Variants in XRN2 observed in about 807,000 individuals in gnomAD.
XRN2 encodes the protein DHM1-like protein.
Under a neutral mutation model 138.5 loss-of-function variants are expected in XRN2, and 44 were observed. The observed-to-expected ratio is 0.32, with a 90% CI of 0.25 to 0.41. The LOEUF (loss-of-function observed/expected upper bound fraction) is 0.41. Ranked by LOEUF, XRN2 falls within the 10% of genes least tolerant of loss-of-function variation. The pLI is 1.00. For synonymous variants in XRN2, 354 were observed against 369.4 expected, an observed-to-expected ratio of 0.96 and a Z score of 0.48; for missense variants, 937 against 1,169.3, an observed-to-expected ratio of 0.80 and a Z score of 2.90.
At position 21,349,386 on chromosome 20, in the gene XRN2, T is replaced by TTCC; in HGVS notation, c.1864-3_1864-2insTCC. On this transcript the variant is annotated splice_region_variant and splice_polypyrimidine_tract_variant and intron_variant, in intron 19 of 29. Coordinates refer to ENST00000377191, the MANE Select transcript of XRN2 (RefSeq NM_012255.5). ...TGATTCTTTACTTTTCTCCCTAATATAGGATTCTAGTATAATTGACTTCTA... is the reference window on the plus strand; with the variant it reads ...TGATTCTTTACTTTTCTCCCTAATATTCCAGGATTCTAGTATAATTGACTTCTA... The TTCC allele has an allele frequency of 1.3e-6, 2 of 1,565,990 alleles. No homozygotes were observed.
chr20:21,361,294 T>G (rs1208407779), intron 24 of XRN2, among the ~76,000 whole-genome samples: 1 of 152,210 alleles, frequency 6.6e-6, no homozygotes, highest in African/African-American at 2.4e-5. Flanking sequence ...GATGTGTTTA[T>G]GAAGACAATC....
chr20:21,374,784 G>A (rs1259225887), intron 27 of XRN2, among the ~76,000 whole-genome samples: 1 of 151,760 alleles, frequency 6.6e-6, no homozygotes, highest in Non-Finnish European at 1.5e-5. Context: ...CTGGGGTAGG[G>A]TTTTTCTGGC....
At chr20:21,384,969 A>G (rs923687126) in intron 28 of XRN2, among the ~76,000 whole-genome samples, 6 of 152,234 alleles carry the variant, frequency 3.9e-5, no homozygotes, top group Non-Finnish European at 7.3e-5. Flanking sequence ...AAGTCAGAAG[A>G]AGGTAGTACA....
At chr20:21,309,504 C>T (rs1029992997) in intron 1 of XRN2, among the ~76,000 whole-genome samples, 4 of 152,244 alleles carry the variant, frequency 2.6e-5, no homozygotes, top group South Asian at 4.1e-4. Context: ...AGCACAAATT[C>T]GTAAACTTTC....
At chr20:21,360,108 A>C (rs1197560816) in intron 24 of XRN2, among the ~76,000 whole-genome samples, 2 of 152,108 alleles carry the variant, frequency 1.3e-5, no homozygotes, top group African/African-American at 4.8e-5. Flanking sequence ...CCCATTTCTA[A>C]TTCCACAAAT....
chr20:21,374,059 A>G (rs2038791424), intron 27 of XRN2, among the ~76,000 whole-genome samples: 1 of 152,190 alleles, frequency 6.6e-6, no homozygotes, highest in Non-Finnish European at 1.5e-5. Context: ...ATTCAGGACA[A>G]AAAGAATTAA....
At chr20:21,343,096 A>C (rs2038392489) in intron 15 of XRN2, among the ~76,000 whole-genome samples, 1 of 152,066 alleles carries the variant, frequency 6.6e-6, no homozygotes, top group Admixed American at 6.5e-5. Context: ...TACTCTAATT[A>C]TTATATCATT....
chr20:21,380,882 G>T (rs1316971059), intron 27 of XRN2, among the ~76,000 whole-genome samples: 5 of 152,196 alleles, frequency 3.3e-5, no homozygotes, highest in Admixed American at 2.6e-4. Context: ...ACTTTCTTCA[G>T]TCTGGCCTTC....
intron 27 of XRN2, among the ~76,000 whole-genome samples, chr20:21,369,311 T>A (rs978511680): frequency 6.6e-6 from 1 of 152,252 alleles, no homozygotes; most frequent in Non-Finnish European, 1.5e-5. Flanking sequence ...TATCCATTCA[T>A]CTGTTGATGC....
At chr20:21,382,917 T>C (rs2038900971) in intron 28 of XRN2, among the ~76,000 whole-genome samples, 1 of 152,242 alleles carries the variant, frequency 6.6e-6, no homozygotes, top group Non-Finnish European at 1.5e-5. Context: ...TAAGGCTTTC[T>C]TTTTTGCCTT....
intron 27 of XRN2, among the ~76,000 whole-genome samples, chr20:21,375,901 C>T (rs368018864): frequency 6.6e-6 from 1 of 151,698 alleles, no homozygotes; most frequent in East Asian, 1.9e-4. Context: ...TGCAGTGGCG[C>T]AATCTCGGCT....
chr20:21,313,239 C>T (rs1284732123), intron 1 of XRN2, among the ~76,000 whole-genome samples: 1 of 152,182 alleles, frequency 6.6e-6, no homozygotes, highest in Non-Finnish European at 1.5e-5. Context: ...TGTAAGTTAA[C>T]ACACTACGCT....
At chr20:21,349,859 A>G (rs1399590977) in intron 20 of XRN2, among the ~76,000 whole-genome samples, 1 of 152,250 alleles carries the variant, frequency 6.6e-6, no homozygotes, top group African/African-American at 2.4e-5. Flanking sequence ...TAGTAAATTT[A>G]ATTATAACAT....
At chr20:21,303,969 C>G (rs988380617) in intron 1 of XRN2, 1 of 606,484 alleles carries the variant, frequency 1.6e-6, no homozygotes, top group Non-Finnish European at 2.1e-6. Flanking sequence ...AAGGTTTTCT[C>G]CTAGTGTTCA....
At chr20:21,305,042 A>T (rs545542629) in intron 1 of XRN2, among the ~76,000 whole-genome samples, 2 of 151,984 alleles carry the variant, frequency 1.3e-5, no homozygotes, top group Non-Finnish European at 2.9e-5. Flanking sequence ...TCCACTTTAC[A>T]TCTTGCCGCG....
chr20:21,321,345 G>GTGTGTGTA (rs1484976152), intron 1 of XRN2, among the ~76,000 whole-genome samples: 15 of 116,960 alleles, frequency 1.3e-4, no homozygotes, highest in Non-Finnish European at 2.6e-4. Context: ...GTGTGTGTGT[G>GTGTGTGTA]TGTGTAGGGT....
chr20:21,352,625 C>G (rs1031441715), intron 20 of XRN2, among the ~76,000 whole-genome samples: 7 of 152,118 alleles, frequency 4.6e-5, no homozygotes, highest in Non-Finnish European at 8.8e-5. Context: ...GCCACCGCAC[C>G]CGGCCCAACA....
chr20:21,370,036 G>C (rs1041145486), intron 27 of XRN2, among the ~76,000 whole-genome samples: 4 of 152,102 alleles, frequency 2.6e-5, no homozygotes, highest in Admixed American at 2.0e-4. Context: ...TTTTTTATAT[G>C]ATGAGAGATA....
Position 21,389,297 on chromosome 20 carries a change from T to C in XRN2, c.2812T>C (p.Tyr938His). The C allele has an allele frequency of 6.2e-7, 1 of 1,613,398 alleles. No homozygotes were observed. The highest frequency in any genetic ancestry group is 8.5e-7 in the Non-Finnish European group (1 of 1,179,676). ...GGGATATCCCAGAGAAGGAAGGAAA[T>C]ACCCTTTGCCACCACCCTCAGGAAG... The part of the protein sequence containing the change: ...RQGYPREGRK[Y>H]PLPPPSGRYN... Residue 938 changes from tyrosine to histidine, a missense_variant, in exon 30 of 30, where the codon TAC becomes CAC. This residue lies in a region of XRN2 where 372 missense variants were observed against 414.4 expected (regional missense o/e 0.90). Coordinates refer to ENST00000377191, the MANE Select transcript of XRN2 (RefSeq NM_012255.5).
Sources: gnomAD v4.1 joint callset for allele counts (sites outside exome capture counted in the v4.1 genomes callset) on GRCh38, gnomAD v4.1.1 for gene constraint, gnomAD v4.1.1 regional missense constraint, MANE v1.5 for transcripts, NCBI Gene and HGNC (gene_info 2026-07-23, HGNC 2026-07-21) for gene names.